The following ANKS1B variants were observed in gnomAD, a reference collection of about 807,000 sequenced individuals.
ANKS1B encodes ankyrin repeat and sterile alpha motif domain containing 1B, also known as ankyrin repeat and sterile alpha motif domain-containing protein 1B.
A neutral mutation model predicts 148.3 loss-of-function variants in ANKS1B; 36 were observed. The ratio of observed to expected loss-of-function variants is 0.24; its 90% confidence interval spans 0.19 to 0.32. The LOEUF (loss-of-function observed/expected upper bound fraction) is 0.32. Among genes scored for constraint, ANKS1B ranks in the 10% least tolerant of loss-of-function variants. The probability of loss-of-function intolerance (pLI) is 1.00; values close to 1 mark genes in which losing one functional copy is unlikely to be tolerated. For synonymous variants in ANKS1B, 542 were observed against 560.8 expected (o/e 0.97, Z 0.47); for missense variants, 1,157 against 1,542.6 (o/e 0.75, Z 4.19).
At chr12:99,853,908 C>G (rs970193596) in intron 1 of ANKS1B, among the ~76,000 whole-genome samples, 1 of 151,918 alleles carries the variant, frequency 6.6e-6, no homozygotes, top group African/African-American at 2.4e-5. Flanking sequence ...ATGAAGGACA[C>G]GCTTAGAGAA....
At chr12:99,596,280 A>G (rs149991485) in intron 9 of ANKS1B, among the ~76,000 whole-genome samples, 132 of 151,840 alleles carry the variant, frequency 8.7e-4, no homozygotes, top group Non-Finnish European at 1.7e-3. Context: ...GCTTCTTTCA[A>G]TCTTCTCATG....
At chr12:98,924,378 T>C (rs1196783897) in intron 17 of ANKS1B, among the ~76,000 whole-genome samples, 2 of 152,106 alleles carry the variant, frequency 1.3e-5, no homozygotes, top group African/African-American at 4.8e-5. Flanking sequence ...AAGAGTCTTC[T>C]TTTTTTTCCT....
chr12:99,495,341 A>AAG (rs2096593580), intron 10 of ANKS1B, among the ~76,000 whole-genome samples: 1 of 106,964 alleles, frequency 9.3e-6, no homozygotes, highest in Non-Finnish European at 1.9e-5. Flanking sequence ...AGGGGAGAAA[A>AAG]AGTGTGTGTG....
chr12:99,274,324 C>A (rs2077422576), intron 12 of ANKS1B, among the ~76,000 whole-genome samples: 1 of 152,018 alleles, frequency 6.6e-6, no homozygotes, highest in African/African-American at 2.4e-5. Flanking sequence ...ACAGTCTGTT[C>A]TTTTACTTAT....
rs141710009 is a variant in ANKS1B, at chr12:99,515,365, T to G, written c.1273-10724A>C. On this transcript the variant is annotated intron_variant, in intron 9 of 26. Coordinates refer to ENST00000683438, the MANE Select transcript of ANKS1B (RefSeq NM_001352186.2). The stretch of plus-strand genomic sequence containing the variant: ...GCCTCTGGAAACCATCATCCTACTT[T>G]ATGTCTCCATGAGTACAATTATTTT... Among the ~76,000 whole-genome samples the G allele has an allele frequency of 8.0e-3, 1,223 of 152,148 alleles. 13 individuals carry two copies. The highest frequency in any genetic ancestry group is 0.027 in the African/African-American group (1,139 of 41,524).
At position 98,785,141 on chromosome 12, in the gene ANKS1B, T is replaced by C. The variant is rs925503297; in HGVS notation, c.3343-3004A>G. Among the ~76,000 whole-genome samples the C allele has an allele frequency of 3.9e-5, 6 of 152,194 alleles. 1 individual carries two copies. The highest frequency in any genetic ancestry group is 2.1e-4 in the South Asian group (1 of 4,830). ...AAGAGTTTCCAAAGAGGTCTTTTCA[T>C]ACATAATCTTAGCAAAAGATGAAAA... is the stretch of plus-strand genomic sequence containing the variant. On this transcript the variant is annotated intron_variant, in intron 22 of 26. Coordinates refer to ENST00000683438, the MANE Select transcript of ANKS1B (RefSeq NM_001352186.2).
At chr12:99,187,092 T>C (rs1038942853) in intron 14 of ANKS1B, among the ~76,000 whole-genome samples, 8 of 151,260 alleles carry the variant, frequency 5.3e-5, no homozygotes, top group South Asian at 2.1e-4. Flanking sequence ...ATATCAGAGA[T>C]TGAAGATCAA....
At chr12:99,462,947 T>C (rs1028508564) in intron 10 of ANKS1B, among the ~76,000 whole-genome samples, 1 of 152,176 alleles carries the variant, frequency 6.6e-6, no homozygotes, top group Non-Finnish European at 1.5e-5. Flanking sequence ...GAGGCCTCAT[T>C]GTAAGCTGAG....
chr12:99,890,494 A>G (rs1266321968), intron 1 of ANKS1B, among the ~76,000 whole-genome samples: 1 of 152,034 alleles, frequency 6.6e-6, no homozygotes, highest in African/African-American at 2.4e-5. Context: ...CTTGCCTTAC[A>G]GATTGTGAAC....
intron 9 of ANKS1B, among the ~76,000 whole-genome samples, chr12:99,550,902 G>A (rs1292177656): frequency 6.6e-6 from 1 of 152,138 alleles, no homozygotes; most frequent in East Asian, 1.9e-4. Context: ...GCTTATCCTT[G>A]ATTATCTTCC....
At chr12:98,738,953 A>C (rs747477872) in intron 9 of ANKS1B, among the ~76,000 whole-genome samples, 11 of 152,220 alleles carry the variant, frequency 7.2e-5, no homozygotes, top group Non-Finnish European at 1.5e-4. Context: ...GAAGGAAGGA[A>C]GGGAGCTACT....
At chr12:98,915,063 T>A (rs1003262301) in intron 17 of ANKS1B, among the ~76,000 whole-genome samples, 1 of 152,132 alleles carries the variant, frequency 6.6e-6, no homozygotes, top group Non-Finnish European at 1.5e-5. Flanking sequence ...TTGAATTATG[T>A]TCCCCCCACC....
chr12:99,462,424 A>G (rs923722156), intron 10 of ANKS1B, among the ~76,000 whole-genome samples: 1 of 152,210 alleles, frequency 6.6e-6, no homozygotes, highest in Admixed American at 6.5e-5. Flanking sequence ...AGACTTCATC[A>G]CAGCCTGATC....
chr12:99,304,488 A>G (rs1408463139), intron 12 of ANKS1B, among the ~76,000 whole-genome samples: 2 of 152,028 alleles, frequency 1.3e-5, no homozygotes, highest in African/African-American at 2.4e-5. Flanking sequence ...GTTTTCTTTT[A>G]CTAGCTTTTG....
At chr12:98,907,005 C>CTGTGTGTG (rs59857138) in intron 17 of ANKS1B, among the ~76,000 whole-genome samples, 111 of 145,742 alleles carry the variant, frequency 7.6e-4, no homozygotes, top group Middle Eastern at 3.5e-3. Flanking sequence ...CATAGTTACT[C>CTGTGTGTG]TGTGTGTGTG....
intron 9 of ANKS1B, among the ~76,000 whole-genome samples, chr12:99,566,596 G>A (rs920843626): frequency 6.6e-6 from 1 of 152,030 alleles, no homozygotes; most frequent in African/African-American, 2.4e-5. Flanking sequence ...GGCTAATTAG[G>A]GTTAGATAAT....
chr12:99,065,586 CCATT>C (rs1302951210), intron 16 of ANKS1B, among the ~76,000 whole-genome samples: 60 of 130,076 alleles, frequency 4.6e-4, no homozygotes, highest in African/African-American at 1.7e-3. Flanking sequence ...ACCATCCATT[CCATT>C]CATCCATCCA....
At position 99,469,155 on chromosome 12, in the gene ANKS1B, T is replaced by C. The variant is rs866281293; in HGVS notation, c.1439-25346A>G. On this transcript the variant is annotated intron_variant, in intron 10 of 26. Coordinates refer to ENST00000683438, the MANE Select transcript of ANKS1B (RefSeq NM_001352186.2). The stretch of plus-strand genomic sequence containing the variant: ...GTCCTTTGTAGGGACATGGATGAAA[T>C]TGGAAATCATCATTCTCAGTAAACT... Among the ~76,000 whole-genome samples the C allele has an allele frequency of 2.4e-3, 358 of 151,684 alleles. 2 individuals carry two copies. The highest frequency in any genetic ancestry group is 4.0e-3 in the Non-Finnish European group (272 of 67,934).
chr12:99,049,750 G>C (rs2099964742), intron 17 of ANKS1B, among the ~76,000 whole-genome samples: 1 of 152,178 alleles, frequency 6.6e-6, no homozygotes, highest in African/African-American at 2.4e-5. Flanking sequence ...TTTTCATGGG[G>C]CATGTGAAAT....
Sources: gnomAD v4.1 joint callset for allele counts (sites outside exome capture counted in the v4.1 genomes callset) on GRCh38, gnomAD v4.1.1 for gene constraint, MANE v1.5 for transcripts, NCBI Gene and HGNC (gene_info 2026-07-23, HGNC 2026-07-21) for gene names.